The following SEC14L5 variants were observed in gnomAD, a reference collection of about 807,000 sequenced individuals.
SEC14L5 encodes SEC14-like protein 5.
In SEC14L5, 96 loss-of-function variants were observed where a neutral mutation model predicts 84.6. The ratio of observed to expected loss-of-function variants is 1.13; its 90% CI spans 0.96 to 1.34. The LOEUF (loss-of-function observed/expected upper bound fraction) is 1.34. SEC14L5 is among the 40% of genes most tolerant of loss of function. The pLI is 0.00. For missense variants in SEC14L5, 1,224 were observed against 942.5 expected, an observed-to-expected ratio of 1.30 and a Z score of -3.91; for synonymous variants, 546 against 383.4, an observed-to-expected ratio of 1.42 and a Z score of -4.95.
At chr16:4,984,401 T>G (rs1323085649) in intron 2 of SEC14L5, among the ~76,000 whole-genome samples, 2 of 152,264 alleles carry the variant, frequency 1.3e-5, no homozygotes, top group Non-Finnish European at 2.9e-5. Flanking sequence ...AATATTCCAT[T>G]TTATGGCTAG....
intron 2 of SEC14L5, among the ~76,000 whole-genome samples, chr16:4,959,893 G>A (rs1596608808): frequency 3.3e-5 from 5 of 151,326 alleles, no homozygotes; most frequent in Admixed American, 6.6e-5. Context: ...AGGTGGAGTC[G>A]GGGCTGAGAT....
intron 2 of SEC14L5, among the ~76,000 whole-genome samples, chr16:4,976,903 G>A (rs1382752552): frequency 2.0e-5 from 3 of 152,200 alleles, no homozygotes; most frequent in Non-Finnish European, 2.9e-5. Flanking sequence ...TGTAGGGACA[G>A]GAGCCGGCAG....
intron 2 of SEC14L5, among the ~76,000 whole-genome samples, chr16:4,977,140 C>A (rs1596619813): frequency 6.6e-6 from 1 of 152,218 alleles, no homozygotes; most frequent in East Asian, 1.9e-4. Context: ...TGTAATTATT[C>A]CAGAATACAA....
At chr16:4,998,272 GC>G (rs1382897844) in intron 8 of SEC14L5, among the ~76,000 whole-genome samples, 1 of 151,364 alleles carries the variant, frequency 6.6e-6, no homozygotes, top group Non-Finnish European at 1.5e-5. Flanking sequence ...CTCCTGAAGT[GC>G]TGGGATTACA....
chr16:4,972,597 T>G (rs752454283), intron 2 of SEC14L5, among the ~76,000 whole-genome samples: 2 of 152,240 alleles, frequency 1.3e-5, no homozygotes, highest in Non-Finnish European at 2.9e-5. Flanking sequence ...GTTGTCCTTT[T>G]GTCTCTGGCT....
intron 2 of SEC14L5, among the ~76,000 whole-genome samples, chr16:4,969,729 T>G (rs1052697304): frequency 6.6e-6 from 1 of 152,138 alleles, no homozygotes; most frequent in African/African-American, 2.4e-5. Context: ...TTCATTTGTT[T>G]CCTTGTTTAC....
chr16:4,969,304 G>A (rs1187096678), intron 2 of SEC14L5, among the ~76,000 whole-genome samples: 1 of 152,058 alleles, frequency 6.6e-6, no homozygotes, highest in Non-Finnish European at 1.5e-5. Context: ...TTTTTGCTGT[G>A]TGCCGAAGGC....
At chr16:5,010,945 C>A in intron 14 of SEC14L5, 150 bp from the exon 15 acceptor site, 1 of 687,086 alleles carries the variant, frequency 1.5e-6, no homozygotes, top group Non-Finnish European at 2.4e-6. Context: ...GAGGCCCTGA[C>A]AGGAGGAGTT....
chr16:4,989,537 G>C (rs1486119138), intron 4 of SEC14L5, among the ~76,000 whole-genome samples: 1 of 152,058 alleles, frequency 6.6e-6, no homozygotes, highest in Non-Finnish European at 1.5e-5. Context: ...AGTAGAGATA[G>C]GGTTTCTCCA....
At chr16:4,959,585 CAA>C (rs756834138) in intron 2 of SEC14L5, among the ~76,000 whole-genome samples, 199 bp downstream of exon 2, 1 of 152,168 alleles carries the variant, frequency 6.6e-6, no homozygotes, top group Non-Finnish European at 1.5e-5. Flanking sequence ...GACCAAAACA[CAA>C]AGTCTTTCTT....
At chr16:5,004,497 C>T (rs533551206) in intron 11 of SEC14L5, among the ~76,000 whole-genome samples, 179 of 152,150 alleles carry the variant, frequency 1.2e-3, no homozygotes, top group African/African-American at 4.1e-3. Flanking sequence ...GAAGGAGAGA[C>T]CCCAAGCACC....
intron 11 of SEC14L5, among the ~76,000 whole-genome samples, chr16:5,004,805 A>C (rs2142524817): frequency 6.6e-6 from 1 of 152,260 alleles, no homozygotes; most frequent in Non-Finnish European, 1.5e-5. Context: ...CTTCTTTATC[A>C]ACATGTGGCT....
Position 5,000,640 on chromosome 16 carries a change from G to T in SEC14L5, c.971-15G>T, listed in dbSNP as rs1279040085. Reference sequence around the variant, plus strand: ...AATAACGGGCTCTTCTTTCTGCTTGGCCCCATCCACAAAGATGGCCGCCCC... The same window carrying T: ...AATAACGGGCTCTTCTTTCTGCTTGTCCCCATCCACAAAGATGGCCGCCCC... On this transcript the variant is annotated splice_polypyrimidine_tract_variant and intron_variant, in intron 8 of 15. Transcript: ENST00000251170. 67 of 1,546,058 alleles carry T rather than the reference G, an allele frequency of 4.3e-5. 1 individual carries two copies. Among genetic ancestry groups the T allele is most frequent in the Non-Finnish European group, 5.2e-5 (59 of 1,142,544 alleles).
Position 4,990,853 on chromosome 16 carries a change from G to T in SEC14L5, c.432G>T (p.Leu144Phe). ...IRSFFGFENA[L>F]EKIAMKQYTA... ...CTTTCTTTGGCTTTGAAAATGCCTT[G>T]GAGAAGATCGCCATGAAGCAGTACA... The change falls in exon 5 of 16, where the codon TTG becomes TTT. Residue 144 changes from leucine to phenylalanine, a missense_variant. Coordinates refer to ENST00000251170, the MANE Select transcript of SEC14L5 (RefSeq NM_014692.2). The T allele has an allele frequency of 6.2e-7, 1 of 1,610,540 alleles. No individual in the cohort carries two copies. Among genetic ancestry groups the T allele is most frequent in the Non-Finnish European group, 8.5e-7 (1 of 1,178,292 alleles).
intron 8 of SEC14L5, among the ~76,000 whole-genome samples, chr16:4,997,390 G>A (rs1955624332): frequency 1.3e-5 from 2 of 152,170 alleles, no homozygotes; most frequent in South Asian, 2.1e-4. Context: ...ATGAGCCACC[G>A]CACCCGGCCC....
intron 2 of SEC14L5, among the ~76,000 whole-genome samples, chr16:4,973,680 C>CT (rs34324146): frequency 0.023 from 2,926 of 127,062 alleles, 94 homozygotes; most frequent in African/African-American, 0.064. Flanking sequence ...TTCTCTGTCT[C>CT]TTTTTTTTTT....
chr16:5,011,109 C>G lies in SEC14L5; in HGVS notation c.1815C>G (p.Thr605=). ...EGESIQGSHV[T]RWPGVYLLQW... ...ATGTGTTTCAGGGCTCCCATGTGAC[C>G]CGGTGGCCCGGCGTCTACCTGCTCC... Residue 605 remains threonine (T), a synonymous_variant, in exon 15 of 16, where the codon ACC becomes ACG. Transcript: ENST00000251170. 2 of 1,603,376 alleles carry G rather than the reference C, an allele frequency of 1.2e-6. No homozygotes were observed. The highest frequency in any genetic ancestry group is 1.7e-6 in the Non-Finnish European group (2 of 1,175,196).
Position 5,003,548 on chromosome 16 carries a change from G to T in SEC14L5, c.1277G>T (p.Arg426Leu). 6 of 1,474,160 alleles carry T rather than the reference G, an allele frequency of 4.1e-6. No individual in the cohort carries two copies. Among genetic ancestry groups the T allele is most frequent in the South Asian group, 1.1e-5 (1 of 89,224 alleles). The allele number at this position is 1,474,160 out of a possible 1,614,324, so 91.3% of individuals were successfully genotyped here. ...LGRLLIVRAPRVFPVLWTLIS... is the reference protein window; with the variant it reads ...LGRLLIVRAPLVFPVLWTLIS... ...CGGCTGCTCATCGTGCGAGCCCCCC[G>T]AGTCTTCCCCGTGCTCTGGACACTG... is the stretch of plus-strand genomic sequence containing the variant. Residue 426 changes from arginine (R) to leucine (L), a missense_variant, in exon 11 of 16, where the codon CGA (arginine) becomes CTA (leucine). Physicochemically the swap from Arg to Leu is moderately radical, Grantham distance 102 (BLOSUM62 -2). Coordinates refer to ENST00000251170, the MANE Select transcript of SEC14L5 (RefSeq NM_014692.2).
chr16:5,013,255 C>T (rs1180314537), intron 15 of SEC14L5, among the ~76,000 whole-genome samples: 2 of 152,178 alleles, frequency 1.3e-5, no homozygotes, highest in African/African-American at 2.4e-5. Context: ...AGGGACGTAA[C>T]CTAGAGCCTT....
Sources: gnomAD v4.1 joint callset for allele counts (sites outside exome capture counted in the v4.1 genomes callset) on GRCh38, gnomAD v4.1.1 for gene constraint, MANE v1.5 for transcripts, NCBI Gene and HGNC (gene_info 2026-07-23, HGNC 2026-07-21) for gene names.